Variants in SLC24A3 observed in about 807,000 individuals in gnomAD.
SLC24A3 encodes solute carrier family 24 member 3, also known as sodium/potassium/calcium exchanger 3.
A neutral mutation model predicts 75.8 loss-of-function variants in SLC24A3; 28 were observed. That is an observed-to-expected ratio of 0.37 (90% CI 0.27 to 0.51). The LOEUF (loss-of-function observed/expected upper bound fraction) is 0.51, where lower values mean the gene tolerates loss of function less well. Ranked by LOEUF, SLC24A3 falls within the 20% of genes least tolerant of loss-of-function variation. The probability of loss-of-function intolerance (pLI) is 0.94; values close to 1 mark genes in which losing one functional copy is unlikely to be tolerated. For synonymous variants in SLC24A3, 372 were observed against 334.1 expected (o/e 1.11, Z -1.24); for missense variants, 663 against 847.8 (o/e 0.78, Z 2.71).
At chr20:19,269,289 G>T (rs1983256457) in intron 1 of SLC24A3, among the ~76,000 whole-genome samples, 1 of 152,188 alleles carries the variant, frequency 6.6e-6, no homozygotes, top group South Asian at 2.1e-4. Flanking sequence ...CATGGTATTT[G>T]GGAGTTTCTG....
intron 2 of SLC24A3, among the ~76,000 whole-genome samples, chr20:19,370,706 A>T (rs564974040): frequency 2.0e-5 from 3 of 152,178 alleles, no homozygotes; most frequent in Non-Finnish European, 4.4e-5. Flanking sequence ...TTTCCTGCCA[A>T]CCTATCCCAG....
chr20:19,683,874 C>T (rs2032642168), intron 10 of SLC24A3, among the ~76,000 whole-genome samples: 1 of 152,132 alleles, frequency 6.6e-6, no homozygotes, highest in Non-Finnish European at 1.5e-5. Context: ...AATTTGCTCA[C>T]TGCAACCCTT....
At chr20:19,539,876 T>A (rs1398763279) in intron 3 of SLC24A3, among the ~76,000 whole-genome samples, 1 of 152,202 alleles carries the variant, frequency 6.6e-6, no homozygotes, top group African/African-American at 2.4e-5. Flanking sequence ...AAACCTAGCA[T>A]GCCTGTGTGT....
chr20:19,372,310 C>A (rs769779312), intron 2 of SLC24A3, among the ~76,000 whole-genome samples: 12 of 152,086 alleles, frequency 7.9e-5, no homozygotes, highest in Non-Finnish European at 1.5e-4. Flanking sequence ...TATAAAGAGA[C>A]CATAAAGGAA....
intron 2 of SLC24A3, among the ~76,000 whole-genome samples, chr20:19,400,850 T>C (rs965443020): frequency 6.6e-6 from 1 of 152,220 alleles, no homozygotes; most frequent in Non-Finnish European, 1.5e-5. Flanking sequence ...GTGCCTGATA[T>C]CTATTGTCTT....
chr20:19,463,157 C>A (rs1273710075), intron 2 of SLC24A3, among the ~76,000 whole-genome samples: 2 of 152,198 alleles, frequency 1.3e-5, no homozygotes, highest in Non-Finnish European at 2.9e-5. Context: ...GTGACATTTA[C>A]CTGTGTGGAC....
At chr20:19,457,269 C>G (rs1308729962) in intron 2 of SLC24A3, among the ~76,000 whole-genome samples, 1 of 152,162 alleles carries the variant, frequency 6.6e-6, no homozygotes, top group East Asian at 1.9e-4. Flanking sequence ...GCTTTCAGCT[C>G]TGCATCTCAT....
intron 2 of SLC24A3, among the ~76,000 whole-genome samples, chr20:19,450,723 G>C (rs529083842): frequency 6.6e-6 from 1 of 152,350 alleles, no homozygotes; most frequent in Admixed American, 6.5e-5. Flanking sequence ...AGTGGGCTGG[G>C]TTCGATGGCT....
chr20:19,449,979 C>T (rs919456308), intron 2 of SLC24A3, among the ~76,000 whole-genome samples: 1 of 151,916 alleles, frequency 6.6e-6, no homozygotes, highest in East Asian at 1.9e-4. Context: ...TCATTTTTTT[C>T]AAGAAACAGA....
At chr20:19,311,462 G>A (rs1387360842) in intron 2 of SLC24A3, among the ~76,000 whole-genome samples, 1 of 152,104 alleles carries the variant, frequency 6.6e-6, no homozygotes, top group Non-Finnish European at 1.5e-5. Flanking sequence ...CAGCCCTCAG[G>A]GATCACATGC....
intron 2 of SLC24A3, among the ~76,000 whole-genome samples, chr20:19,358,420 C>A (rs2122335965): frequency 6.6e-6 from 1 of 152,312 alleles, no homozygotes; most frequent in Middle Eastern, 3.4e-3. Context: ...GAGCCTCTAG[C>A]AGAGGAAATG....
At chr20:19,643,909 T>C (rs928367601) in intron 6 of SLC24A3, among the ~76,000 whole-genome samples, 1 of 152,204 alleles carries the variant, frequency 6.6e-6, no homozygotes, top group African/African-American at 2.4e-5. Flanking sequence ...CCTACATAGC[T>C]CTAGCTACTA....
intron 1 of SLC24A3, among the ~76,000 whole-genome samples, chr20:19,272,318 G>C (rs1983353889): frequency 6.6e-6 from 1 of 152,250 alleles, no homozygotes; most frequent in Non-Finnish European, 1.5e-5. Flanking sequence ...ACTGCATATT[G>C]GGCTTTAGAG....
chr20:19,629,805 C>T (rs2031912104), intron 6 of SLC24A3, among the ~76,000 whole-genome samples: 1 of 152,098 alleles, frequency 6.6e-6, no homozygotes, highest in African/African-American at 2.4e-5. Context: ...AGAAAAACTG[C>T]CATTCATTAA....
chr20:19,628,599 G>T (rs1201801752), intron 6 of SLC24A3, among the ~76,000 whole-genome samples: 6 of 152,176 alleles, frequency 3.9e-5, no homozygotes, highest in African/African-American at 1.4e-4. Flanking sequence ...CTTCTCAGGG[G>T]ACTGGTTGCT....
Position 19,447,557 on chromosome 20 carries a change from C to T in SLC24A3, c.272-67931C>T, listed in dbSNP as rs148249166. Among the ~76,000 whole-genome samples, 9 of 152,148 alleles carry T rather than the reference C, an allele frequency of 5.9e-5. No homozygotes were observed. In the East Asian group the frequency reaches 1.7e-3, roughly 29 times the overall value. ...GCCTTAAAAAATGGCGACACATATA[C>T]ACACACACAAAATAAAATAAAACAA... On this transcript the variant is annotated intron_variant, in intron 2 of 16. Transcript: ENST00000328041.
intron 1 of SLC24A3, among the ~76,000 whole-genome samples, chr20:19,219,147 T>C (rs528187968): frequency 6.6e-6 from 1 of 152,308 alleles, no homozygotes; most frequent in South Asian, 2.1e-4. Flanking sequence ...CAAGTGGTGA[T>C]GGGCTTCAGG....
chr20:19,470,698 C>G (rs1987856318), intron 2 of SLC24A3, among the ~76,000 whole-genome samples: 1 of 152,168 alleles, frequency 6.6e-6, no homozygotes, highest in African/African-American at 2.4e-5. Context: ...GACTTTGACC[C>G]ACTCATTTCT....
At chr20:19,527,181 A>C (rs2030214306) in intron 3 of SLC24A3, among the ~76,000 whole-genome samples, 1 of 152,126 alleles carries the variant, frequency 6.6e-6, no homozygotes. Flanking sequence ...GGGACTTTAC[A>C]CTAGCACAGA....
Sources: allele counts gnomAD v4.1 joint callset (sites outside exome capture counted in the v4.1 genomes callset), GRCh38; gene constraint gnomAD v4.1.1; transcripts MANE v1.5; gene names NCBI Gene and HGNC (gene_info 2026-07-23, HGNC 2026-07-21).